Variants in ASCC3 observed in about 807,000 individuals in gnomAD.
ASCC3 encodes the protein activating signal cointegrator 1 complex subunit 3.
A neutral mutation model predicts 256.3 loss-of-function variants in ASCC3; 158 were observed. The observed-to-expected ratio is 0.62, with a 90% CI of 0.54 to 0.70. The LOEUF is 0.70. Among genes scored for constraint, ASCC3 ranks in the 30% least tolerant of loss-of-function variants. The probability of loss-of-function intolerance (pLI) is 0.00; values close to 1 mark genes in which losing one functional copy is unlikely to be tolerated. For missense variants in ASCC3, 2,259 were observed against 2,626.0 expected, an observed-to-expected ratio of 0.86 and a Z score of 3.05; for synonymous variants, 948 against 883.4, an observed-to-expected ratio of 1.07 and a Z score of -1.30.
intron 4 of ASCC3, among the ~76,000 whole-genome samples, chr6:100,825,623 T>A (rs1014818239): frequency 7.9e-5 from 12 of 152,120 alleles, no homozygotes; most frequent in African/African-American, 2.7e-4. Flanking sequence ...GTGTTCTCTG[T>A]ATTTCCTGAA....
At chr6:100,589,233 G>A (rs897970103) in intron 36 of ASCC3, among the ~76,000 whole-genome samples, 1 of 152,202 alleles carries the variant, frequency 6.6e-6, no homozygotes, top group East Asian at 1.9e-4. Context: ...TTGTGTGGAT[G>A]CTTATGAAAG....
At chr6:100,568,951 T>G (rs1361042361) in intron 36 of ASCC3, among the ~76,000 whole-genome samples, 6 of 151,520 alleles carry the variant, frequency 4.0e-5, no homozygotes, top group Admixed American at 2.0e-4. Context: ...CTAATTTTTT[T>G]TGTGTTTTTA....
At chr6:100,547,741 A>G (rs910759398) in intron 36 of ASCC3, among the ~76,000 whole-genome samples, 3 of 152,030 alleles carry the variant, frequency 2.0e-5, no homozygotes, top group African/African-American at 7.2e-5. Context: ...TGTTTTCTTA[A>G]AACATTAAAC....
At chr6:100,846,979 C>T (rs1772415502) in intron 4 of ASCC3, among the ~76,000 whole-genome samples, 1 of 152,006 alleles carries the variant, frequency 6.6e-6, no homozygotes, top group African/African-American at 2.4e-5. Context: ...CCTAGCAATA[C>T]AATAAGCATA....
chr6:100,622,161 G>A (rs1243017253), intron 30 of ASCC3, among the ~76,000 whole-genome samples: 1 of 152,056 alleles, frequency 6.6e-6, no homozygotes, highest in Non-Finnish European at 1.5e-5. Flanking sequence ...ATTGATCTGT[G>A]CAGCAAACCA....
chr6:100,518,110 C>A lies in ASCC3; in HGVS notation c.5808G>T (p.Trp1936Cys), dbSNP rs750553551. The change falls in exon 38 of 42, where the codon TGG (tryptophan) becomes TGT (cysteine). Residue 1936 changes from tryptophan (W) to cysteine (C), a missense_variant. Transcript: ENST00000369162. Reference protein sequence around the residue: ...AMLDVAANQGWLVTVLNITNL... With the variant: ...AMLDVAANQGCLVTVLNITNL... ...TGGTGATATTCAGGACAGTCACCAG[C>A]CAGCCCTGGTTTGCAGCCACGTCCA... 2 of 1,613,608 alleles carry A rather than the reference C, an allele frequency of 1.2e-6. No individual in the cohort carries two copies. The highest frequency in any genetic ancestry group is 1.7e-6 in the Non-Finnish European group (2 of 1,179,702).
chr6:100,833,155 T>C (rs1225173873), intron 4 of ASCC3, among the ~76,000 whole-genome samples: 1 of 151,860 alleles, frequency 6.6e-6, no homozygotes, highest in Non-Finnish European at 1.5e-5. Context: ...GCCATGAAAA[T>C]ACATGGAGGA....
chr6:100,757,948 C>T (rs1781259503), intron 10 of ASCC3, among the ~76,000 whole-genome samples: 2 of 152,144 alleles, frequency 1.3e-5, no homozygotes, highest in Non-Finnish European at 2.9e-5. Context: ...TTTTTGACAA[C>T]ACCAGCCAAA....
intron 14 of ASCC3, among the ~76,000 whole-genome samples, chr6:100,675,692 A>C (rs1048208698): frequency 6.6e-6 from 1 of 152,240 alleles, no homozygotes; most frequent in Non-Finnish European, 1.5e-5. Flanking sequence ...AACTACAGAC[A>C]CAAGGCTTAT....
intron 13 of ASCC3, among the ~76,000 whole-genome samples, chr6:100,708,930 G>A (rs12209887): frequency 0.47 from 71,190 of 151,416 alleles, 16,911 homozygotes; most frequent in South Asian, 0.61. Flanking sequence ...TATTGCAATC[G>A]TGATTTAGAG....
intron 30 of ASCC3, among the ~76,000 whole-genome samples, chr6:100,608,061 C>A (rs1196012029): frequency 6.1e-4 from 7 of 11,412 alleles, no homozygotes; most frequent in African/African-American, 1.3e-3. Context: ...CATATATACA[C>A]ATATATATAC....
At chr6:100,702,409 G>A (rs2115000948) in intron 13 of ASCC3, among the ~76,000 whole-genome samples, 1 of 152,200 alleles carries the variant, frequency 6.6e-6, no homozygotes, top group South Asian at 2.1e-4. Context: ...CATTTTGTAG[G>A]GGGAGATTAC....
At chr6:100,651,299 C>A (rs1775658303) in intron 19 of ASCC3, among the ~76,000 whole-genome samples, 1 of 151,858 alleles carries the variant, frequency 6.6e-6, no homozygotes, top group Admixed American at 6.6e-5. Flanking sequence ...AAACCAAAAT[C>A]TTCATACTAC....
chr6:100,726,507 T>C (rs1157582283), intron 10 of ASCC3, among the ~76,000 whole-genome samples: 1 of 151,868 alleles, frequency 6.6e-6, no homozygotes, highest in Non-Finnish European at 1.5e-5. Flanking sequence ...AAATCCAAAA[T>C]CCAAATGCTC....
chr6:100,644,235 C>T, intron 22 of ASCC3, 106 bp from the exon 23 acceptor site: 2 of 779,290 alleles, frequency 2.6e-6, no homozygotes, highest in East Asian at 2.6e-5. Context: ...ATTTATATTA[C>T]AAAGTTTACT....
chr6:100,649,868 G>T (rs114920742), intron 20 of ASCC3, among the ~76,000 whole-genome samples: 2,238 of 151,480 alleles, frequency 0.015, 42 homozygotes, highest in African/African-American at 0.052. Context: ...AGGATAAATA[G>T]GGTAAAATAT....
intron 10 of ASCC3, among the ~76,000 whole-genome samples, chr6:100,738,403 AG>A (rs1780281180): frequency 6.6e-6 from 1 of 152,130 alleles, no homozygotes; most frequent in Non-Finnish European, 1.5e-5. Context: ...CACTTGTGTA[AG>A]GAAGAGGTCC....
At chr6:100,700,529 C>T (rs922772837) in intron 13 of ASCC3, among the ~76,000 whole-genome samples, 10 of 152,114 alleles carry the variant, frequency 6.6e-5, no homozygotes, top group African/African-American at 2.4e-4. Flanking sequence ...CAGCTTGCAC[C>T]AGGCACCTGG....
At chr6:100,646,918 T>C in intron 21 of ASCC3, 149 bp from the exon 22 acceptor site, 1 of 893,798 alleles carries the variant, frequency 1.1e-6, no homozygotes, top group Non-Finnish European at 1.8e-6. Context: ...ACCTGGCATG[T>C]TTGAATATTT....
Sources: allele counts gnomAD v4.1 joint callset (sites outside exome capture counted in the v4.1 genomes callset), GRCh38; gene constraint gnomAD v4.1.1; transcripts MANE v1.5; gene names NCBI Gene and HGNC (gene_info 2026-07-23, HGNC 2026-07-21).